RYR3: variants seen among roughly 807,000 people sequenced by gnomAD.
RYR3 encodes the protein brain ryanodine receptor-calcium release channel.
In RYR3, 207 loss-of-function variants were observed where a neutral mutation model predicts 584.3. That is an observed-to-expected ratio of 0.35 (90% CI 0.32 to 0.40). The LOEUF (loss-of-function observed/expected upper bound fraction) is 0.40. Among genes scored for constraint, RYR3 ranks in the 10% least tolerant of loss-of-function variants. The pLI is 1.00. For missense variants in RYR3, 5,616 were observed against 6,089.2 expected, an observed-to-expected ratio of 0.92 and a Z score of 2.59; for synonymous variants, 2,416 against 2,248.5, an observed-to-expected ratio of 1.07 and a Z score of -2.11.
intron 3 of RYR3, among the ~76,000 whole-genome samples, chr15:33,505,018 C>T (rs1245634111): frequency 6.6e-6 from 1 of 152,196 alleles, no homozygotes; most frequent in African/African-American, 2.4e-5. Context: ...ACTGTCATTG[C>T]AAGTCTTTTT....
At chr15:33,322,874 T>C (rs1046897042) in intron 1 of RYR3, among the ~76,000 whole-genome samples, 3 of 151,752 alleles carry the variant, frequency 2.0e-5, no homozygotes, top group Admixed American at 6.6e-5. Context: ...CACACTCTTG[T>C]CTACCTTATT....
chr15:33,452,105 C>G lies in RYR3; in HGVS notation c.52-21314C>G, dbSNP rs933896190. Among the ~76,000 whole-genome samples, 5 of 152,320 alleles carry G rather than the reference C, an allele frequency of 3.3e-5. No homozygotes were observed. The East Asian group carries it at 9.6e-4, about 29-fold the overall frequency. Reference sequence around the variant, plus strand: ...GGGGCCAGGCCATGTGTGTTTGCCTCTTTCAGAATTAAAATTGGTTCCAAA... The same window carrying G: ...GGGGCCAGGCCATGTGTGTTTGCCTGTTTCAGAATTAAAATTGGTTCCAAA... On this transcript the variant is annotated intron_variant, in intron 1 of 103. Coordinates refer to ENST00000634891, the MANE Select transcript of RYR3 (RefSeq NM_001036.6).
intron 74 of RYR3, 28 bp downstream of exon 74, chr15:33,813,607 TGTAA>T: frequency 1.3e-6 from 2 of 1,561,580 alleles, no homozygotes; most frequent in Non-Finnish European, 1.8e-6. Flanking sequence ...TTTCCTGGCA[TGTAA>T]GCCAGCGATG....
At chr15:33,460,809 A>G (rs1298435018) in intron 1 of RYR3, among the ~76,000 whole-genome samples, 1 of 151,824 alleles carries the variant, frequency 6.6e-6, no homozygotes, top group African/African-American at 2.4e-5. Context: ...TGCCTGCAGG[A>G]GTCTTGGTAA....
chr15:33,405,477 G>A (rs2042959132), intron 1 of RYR3, among the ~76,000 whole-genome samples: 1 of 152,170 alleles, frequency 6.6e-6, no homozygotes, highest in Non-Finnish European at 1.5e-5. Context: ...AGAAAGAGTT[G>A]AAGAATTCTG....
intron 62 of RYR3, among the ~76,000 whole-genome samples, chr15:33,769,576 T>C (rs964057623): frequency 6.6e-6 from 1 of 152,130 alleles, no homozygotes; most frequent in African/African-American, 2.4e-5. Flanking sequence ...GACAAAGACG[T>C]TGATGCCATG....
chr15:33,353,630 G>GAA (rs1205670929), intron 1 of RYR3, among the ~76,000 whole-genome samples: 8 of 152,192 alleles, frequency 5.3e-5, no homozygotes. Context: ...CCTAGTGGAG[G>GAA]AACACCTACA....
intron 1 of RYR3, among the ~76,000 whole-genome samples, chr15:33,327,472 T>A (rs1351477849): frequency 6.6e-6 from 1 of 152,226 alleles, no homozygotes. Flanking sequence ...CATTTGGTTA[T>A]ATCTAATAGT....
chr15:33,720,788 C>T (rs1197041230), intron 43 of RYR3, among the ~76,000 whole-genome samples: 1 of 152,006 alleles, frequency 6.6e-6, no homozygotes, highest in Non-Finnish European at 1.5e-5. Context: ...GTGGGAGGAT[C>T]ACTTGAACCC....
At chr15:33,708,944 G>T (rs1407917769) in intron 43 of RYR3, among the ~76,000 whole-genome samples, 1 of 142,600 alleles carries the variant, frequency 7.0e-6, no homozygotes, top group Non-Finnish European at 1.5e-5. Flanking sequence ...GTGCTTCGGC[G>T]GGAGTCAGGA....
intron 86 of RYR3, 36 bp downstream of exon 86, chr15:33,831,127 G>T: frequency 6.3e-7 from 1 of 1,590,148 alleles, no homozygotes. Context: ...AAAACAAAGA[G>T]AACATTGTTG....
intron 39 of RYR3, among the ~76,000 whole-genome samples, chr15:33,697,459 G>A (rs1460509288): frequency 2.0e-5 from 3 of 152,152 alleles, no homozygotes; most frequent in Non-Finnish European, 4.4e-5. Flanking sequence ...CAAATTACCA[G>A]GCTGTTTCTG....
At position 33,854,782 on chromosome 15, in the gene RYR3, C is replaced by G; in HGVS notation, c.13877C>G (p.Ala4626Gly). The change falls in exon 98 of 104, where the codon GCC becomes GGC. Residue 4626 changes from alanine to glycine, a missense_variant. Around this residue, in one of 9 missense-constraint regions of RYR3, gnomAD observed 918 missense variants for 887.4 expected, o/e 1.03. Coordinates refer to ENST00000634891, the MANE Select transcript of RYR3 (RefSeq NM_001036.6). Reference protein sequence around the residue: ...VFTDNSFLYLAWYTTMSVLGH... With the variant: ...VFTDNSFLYLGWYTTMSVLGH... The stretch of plus-strand genomic sequence containing the variant: ...CATTCCCAGTCCTTTCTCTACCTTG[C>G]CTGGTATACAACCATGTCAGTCCTG... 6.2e-7 allele frequency: 1 copy of G among 1,609,484 alleles called. No homozygotes were observed. Among genetic ancestry groups the G allele is most frequent in the Non-Finnish European group, 8.5e-7 (1 of 1,178,546 alleles).
intron 1 of RYR3, among the ~76,000 whole-genome samples, chr15:33,398,748 G>T (rs1475813442): frequency 1.3e-5 from 2 of 152,140 alleles, no homozygotes; most frequent in South Asian, 2.1e-4. Flanking sequence ...CAGGAGGTTG[G>T]GGGGTGATGG....
chr15:33,409,574 C>G (rs2043262560), intron 1 of RYR3, among the ~76,000 whole-genome samples: 1 of 152,192 alleles, frequency 6.6e-6, no homozygotes, highest in Admixed American at 6.5e-5. Context: ...GTTGGGCCCA[C>G]TGTTCTCCAG....
intron 15 of RYR3, among the ~76,000 whole-genome samples, chr15:33,585,462 G>A (rs2058801867): frequency 6.6e-6 from 1 of 152,068 alleles, no homozygotes; most frequent in African/African-American, 2.4e-5. Flanking sequence ...CCAAAAAAAA[G>A]GGGGAAAAGC....
chr15:33,534,203 C>T lies in RYR3; in HGVS notation c.433+814C>T, dbSNP rs568062265. Among the ~76,000 whole-genome samples, 10 of 152,270 alleles carry T rather than the reference C, an allele frequency of 6.6e-5. No individual in the cohort carries two copies. In the South Asian group the frequency reaches 2.1e-3, roughly 32 times the overall value. On this transcript the variant is annotated intron_variant, in intron 5 of 103. Transcript: ENST00000634891. ...ATGACCTGATGTAAGGAGTTTGAGACTAGCTTGGCCGACATGGTGAAACCC... is the reference window on the plus strand; with the variant it reads ...ATGACCTGATGTAAGGAGTTTGAGATTAGCTTGGCCGACATGGTGAAACCC...
chr15:33,722,830 G>C lies in RYR3; in HGVS notation c.6735G>C (p.Gln2245His). 1 of 1,612,834 alleles carries C rather than the reference G, an allele frequency of 6.2e-7. No homozygotes were observed. The highest frequency in any genetic ancestry group is 1.7e-4 in the Middle Eastern group (1 of 6,058). Residue 2245 changes from glutamine to histidine, a missense_variant, in exon 44 of 104, where the codon CAG becomes CAC. Gln to His is a conservative substitution (Grantham distance 24). Transcript: ENST00000634891. ...EGGNGLLAAMQGAIKISENPA... is the reference protein window; with the variant it reads ...EGGNGLLAAMHGAIKISENPA... The stretch of plus-strand genomic sequence containing the variant: ...GAAACGGGCTCTTGGCAGCCATGCA[G>C]GGTGCCATTAAGATCTCTGAGAACC...
intron 43 of RYR3, among the ~76,000 whole-genome samples, chr15:33,711,783 T>C (rs532679073): frequency 6.6e-6 from 1 of 152,336 alleles, no homozygotes; most frequent in South Asian, 2.1e-4. Context: ...ACCATTTAAC[T>C]GGTCTCCAAG....
Sources: allele counts gnomAD v4.1 joint callset (sites outside exome capture counted in the v4.1 genomes callset), GRCh38; gene constraint gnomAD v4.1.1; regional missense constraint gnomAD v4.1.1; transcripts MANE v1.5; gene names NCBI Gene and HGNC (gene_info 2026-07-23, HGNC 2026-07-21).